Variants in GRIN2B observed in about 807,000 individuals in gnomAD.
GRIN2B encodes glutamate receptor ionotropic, NMDA 2B.
Under a neutral mutation model 114.5 loss-of-function variants are expected in GRIN2B, and 5 were observed. The observed-to-expected ratio is 0.04, with a 90% CI of 0.02 to 0.09. The LOEUF is 0.09. Ranked by LOEUF, GRIN2B falls within the 10% of genes least tolerant of loss-of-function variation. GRIN2B has a pLI of 1.00. For missense variants in GRIN2B, 1,108 were observed against 1,943.5 expected (o/e 0.57, Z 8.08); for synonymous variants, 787 against 745.1 (o/e 1.06, Z -0.92).
chr12:13,785,448 C>T (rs1006859172), intron 3 of GRIN2B, among the ~76,000 whole-genome samples: 1 of 152,164 alleles, frequency 6.6e-6, no homozygotes, highest in Non-Finnish European at 1.5e-5. Flanking sequence ...GCTGGTCTCA[C>T]ACCACAACTC....
intron 10 of GRIN2B, among the ~76,000 whole-genome samples, chr12:13,598,266 G>T (rs1949102286): frequency 6.6e-6 from 1 of 152,204 alleles, no homozygotes; most frequent in Non-Finnish European, 1.5e-5. Flanking sequence ...CACCCCTCCT[G>T]ACTCTATCTG....
At chr12:13,647,555 A>C (rs1949772447) in intron 5 of GRIN2B, among the ~76,000 whole-genome samples, 1 of 152,074 alleles carries the variant, frequency 6.6e-6, no homozygotes, top group Non-Finnish European at 1.5e-5. Flanking sequence ...AGTTAAAAAT[A>C]ATTGAAGTAG....
chr12:13,951,991 C>A (rs1005742631), intron 2 of GRIN2B, among the ~76,000 whole-genome samples: 10 of 151,610 alleles, frequency 6.6e-5, no homozygotes, highest in African/African-American at 2.4e-4. Flanking sequence ...TACCTAAGCA[C>A]AATTGATATA....
intron 2 of GRIN2B, among the ~76,000 whole-genome samples, chr12:13,904,536 T>C (rs766730197): frequency 6.6e-6 from 1 of 152,124 alleles, no homozygotes; most frequent in Non-Finnish European, 1.5e-5. Context: ...TGGCTAATAA[T>C]CATTTAGTTT....
intron 2 of GRIN2B, among the ~76,000 whole-genome samples, chr12:13,952,513 C>G (rs984149804): frequency 1.3e-5 from 2 of 152,156 alleles, no homozygotes; most frequent in Non-Finnish European, 2.9e-5. Flanking sequence ...TGGAACCTCT[C>G]CTCCTGTGTT....
chr12:13,975,876 G>A (rs971421280), intron 2 of GRIN2B, among the ~76,000 whole-genome samples: 1 of 152,234 alleles, frequency 6.6e-6, no homozygotes, highest in South Asian at 2.1e-4. Context: ...CAGCCATGGA[G>A]AGTTTCACCA....
In GRIN2B at chr12:13,822,514, G is replaced by A. The variant is rs552332974; in HGVS notation, c.411+43284C>T. 1.1e-4 allele frequency among the ~76,000 whole-genome samples: 16 copies of A among 152,202 alleles called. No individual in the cohort carries two copies. In the East Asian group the frequency reaches 2.9e-3, roughly 28 times the overall value. On this transcript the variant is annotated intron_variant, in intron 3 of 13. Transcript: ENST00000609686. ...TAAATATGATAGAATAAGACAAAGGGTAAAGAGATGAGGAACAGTTAAGAA... is the reference window on the plus strand; with the variant it reads ...TAAATATGATAGAATAAGACAAAGGATAAAGAGATGAGGAACAGTTAAGAA...
At chr12:13,931,964 C>G (rs1015068438) in intron 2 of GRIN2B, among the ~76,000 whole-genome samples, 3 of 152,190 alleles carry the variant, frequency 2.0e-5, no homozygotes, top group Admixed American at 6.5e-5. Context: ...TATTCACTCT[C>G]TAGCTAGATT....
rs1201732636 is a variant in GRIN2B, at chr12:13,543,263, C to T, written c.*19520G>A. 1 of 152,312 alleles carries T rather than the reference C, an allele frequency of 6.6e-6. No individual in the cohort carries two copies. The highest frequency in any genetic ancestry group is 2.4e-5 in the African/African-American group (1 of 41,420). 9.4% of individuals were successfully genotyped at this position (152,312 alleles called of 1,614,324 possible). A position where few individuals can be genotyped will look rare whatever the true frequency, so the allele number is the denominator to read the frequency against. On this transcript the variant is annotated 3_prime_UTR_variant, in exon 14 of 14. Transcript: ENST00000609686. ...AAACCACCAATAACTGCAAGCCCTC[C>T]ATAACCTCAAGCATCCACCTCTCCA...
chr12:13,632,751 G>C (rs1037407522), intron 5 of GRIN2B, among the ~76,000 whole-genome samples: 2 of 152,104 alleles, frequency 1.3e-5, no homozygotes, highest in African/African-American at 4.8e-5. Context: ...GGGGAGGGAG[G>C]GTGTGCAGGT....
At position 13,569,916 on chromosome 12, in the gene GRIN2B, G is replaced by A; in HGVS notation, c.2273C>T (p.Ala758Val). Reference sequence around the variant, plus strand: ...GATGGCAATGCCATAGCCAGTGGAAGCAAAGACCTTCCCACTGCCAATGGT... The same window carrying A: ...GATGGCAATGCCATAGCCAGTGGAAACAAAGACCTTCCCACTGCCAATGGT... The part of the protein sequence containing the change: ...LVTIGSGKVF[A>V]STGYGIAIQK... The change falls in exon 12 of 14, where the codon GCT becomes GTT. Residue 758 changes from alanine to valine, a missense_variant. Ala to Val is a moderately conservative substitution (Grantham distance 64). Transcript: ENST00000609686. 2 of 1,612,698 alleles carry A rather than the reference G, an allele frequency of 1.2e-6. No homozygotes were observed. Among genetic ancestry groups the A allele is most frequent in the Non-Finnish European group, 1.7e-6 (2 of 1,178,756 alleles).
chr12:13,860,284 A>G (rs11611667), intron 3 of GRIN2B, among the ~76,000 whole-genome samples: 24,100 of 152,204 alleles, frequency 0.16, 2,444 homozygotes, highest in Middle Eastern at 0.23. Flanking sequence ...CAGAAAATGA[A>G]AAGTGCTATT....
rs1722227645 is a variant in GRIN2B at position 13,543,879 on chromosome 12, C to T, written c.*18904G>A. 6.6e-6 allele frequency: 1 copy of T among 151,942 alleles called. No homozygotes were observed. The highest frequency in any genetic ancestry group is 2.4e-5 in the African/African-American group (1 of 41,424). The allele number at this position is 151,942 out of a possible 1,614,324, so 9.4% of individuals were successfully genotyped here. A position where few individuals can be genotyped will look rare whatever the true frequency, so the allele number is the denominator to read the frequency against. ...ATGCACTATCTCCCTGCTATTAATACAAACAAACCTGGTTAGTCCCCTGAA... is the reference window on the plus strand; with the variant it reads ...ATGCACTATCTCCCTGCTATTAATATAAACAAACCTGGTTAGTCCCCTGAA... On this transcript the variant is annotated 3_prime_UTR_variant, in exon 14 of 14. Coordinates refer to ENST00000609686, the MANE Select transcript of GRIN2B (RefSeq NM_000834.5).
chr12:13,840,597 A>G (rs1051472892), intron 3 of GRIN2B, among the ~76,000 whole-genome samples: 17 of 152,212 alleles, frequency 1.1e-4, no homozygotes, highest in African/African-American at 3.9e-4. Context: ...TATGTTAATT[A>G]ATATAATGCA....
intron 2 of GRIN2B, among the ~76,000 whole-genome samples, chr12:13,933,976 T>C (rs937670147): frequency 2.6e-5 from 4 of 152,194 alleles, no homozygotes; most frequent in African/African-American, 9.7e-5. Context: ...AATTGCTGAT[T>C]CTCCTAAAAT....
chr12:13,968,218 A>C (rs1202619376), intron 2 of GRIN2B, among the ~76,000 whole-genome samples: 1 of 152,212 alleles, frequency 6.6e-6, no homozygotes, highest in Admixed American at 6.5e-5. Context: ...TTGTTCACTG[A>C]GAGTGGATGC....
At chr12:13,762,523 TCTTCAAACACATTTGATCA>T (rs975565181) in intron 3 of GRIN2B, among the ~76,000 whole-genome samples, 1 of 152,236 alleles carries the variant, frequency 6.6e-6, no homozygotes, top group Non-Finnish European at 1.5e-5. Context: ...CATTCCCATC[TCTTCAAACACATTTGATCA>T]GAACATCACG....
chr12:13,567,317 C>T (rs372121145), intron 12 of GRIN2B, 54 bp from the exon 13 acceptor site: 23 of 1,302,594 alleles, frequency 1.8e-5, no homozygotes, highest in South Asian at 1.4e-4. Flanking sequence ...AGGAAAGGAG[C>T]AGAGAAAAGG....
At chr12:13,727,957 C>T (rs1863020644) in intron 4 of GRIN2B, among the ~76,000 whole-genome samples, 1 of 152,138 alleles carries the variant, frequency 6.6e-6, no homozygotes, top group African/African-American at 2.4e-5. Flanking sequence ...CATCATTGAC[C>T]CTTTCACTGT....
Sources: allele counts gnomAD v4.1 joint callset (sites outside exome capture counted in the v4.1 genomes callset), GRCh38; gene constraint gnomAD v4.1.1; transcripts MANE v1.5; gene names NCBI Gene and HGNC (gene_info 2026-07-23, HGNC 2026-07-21).